The following DPY19L3 variants were observed in gnomAD, a reference collection of about 807,000 sequenced individuals.
DPY19L3 encodes the protein protein C-mannosyl-transferase DPY19L3.
Under a neutral mutation model 92.3 loss-of-function variants are expected in DPY19L3, and 51 were observed. The ratio of observed to expected loss-of-function variants is 0.55; its 90% CI spans 0.44 to 0.70. The LOEUF (loss-of-function observed/expected upper bound fraction) is 0.70. Ranked by LOEUF, DPY19L3 falls within the 30% of genes least tolerant of loss-of-function variation. The probability of loss-of-function intolerance (pLI) is 0.00; values close to 1 mark genes in which losing one functional copy is unlikely to be tolerated. For missense variants in DPY19L3, 706 were observed against 855.9 expected, an observed-to-expected ratio of 0.82 and a Z score of 2.18; for synonymous variants, 309 against 315.2, an observed-to-expected ratio of 0.98 and a Z score of 0.21.
rs147378007 is a variant in DPY19L3 at position 32,408,250 on chromosome 19, C to A, written c.-4C>A. 28 of 1,608,154 alleles carry A rather than the reference C, an allele frequency of 1.7e-5. 1 individual carries two copies. In the East Asian group the frequency reaches 4.9e-4, roughly 28 times the overall value. ...TGGAGAACAATGCATGTAAGTCTGA[C>A]ATCATGATGTCCATCCGGCAAAGAA... On this transcript the variant is annotated 5_prime_UTR_variant, in exon 2 of 19. Coordinates refer to ENST00000392250, the MANE Select transcript of DPY19L3 (RefSeq NM_001172774.2).
At chr19:32,447,101 A>G (rs1969524927) in intron 8 of DPY19L3, among the ~76,000 whole-genome samples, 1 of 152,236 alleles carries the variant, frequency 6.6e-6, no homozygotes, top group African/African-American at 2.4e-5. Flanking sequence ...TATTACATCT[A>G]TAGTAGTAAT....
chr19:32,431,234 C>T (rs1042270374), intron 3 of DPY19L3, among the ~76,000 whole-genome samples: 1 of 152,042 alleles, frequency 6.6e-6, no homozygotes, highest in African/African-American at 2.4e-5. Flanking sequence ...ACCAAATTAG[C>T]CGGGCATGGT....
chr19:32,419,261 C>T (rs1376948126), intron 3 of DPY19L3, among the ~76,000 whole-genome samples: 1 of 150,156 alleles, frequency 6.7e-6, no homozygotes, highest in Non-Finnish European at 1.5e-5. Context: ...CCCGGGTTCG[C>T]GCCATTCTCC....
chr19:32,450,382 G>C (rs1969660731), intron 8 of DPY19L3, among the ~76,000 whole-genome samples: 1 of 152,088 alleles, frequency 6.6e-6, no homozygotes, highest in Non-Finnish European at 1.5e-5. Flanking sequence ...CCCACTCCTA[G>C]ATACATACCC....
chr19:32,413,865 A>C (rs887267499), intron 3 of DPY19L3, among the ~76,000 whole-genome samples: 1 of 152,058 alleles, frequency 6.6e-6, no homozygotes, highest in African/African-American at 2.4e-5. Context: ...AGCTGGGACC[A>C]CAGGTGCACG....
chr19:32,453,223 G>A lies in DPY19L3; in HGVS notation c.934G>A (p.Gly312Arg). 1.2e-6 allele frequency: 2 copies of A among 1,613,898 alleles called. No individual in the cohort carries two copies. The highest frequency in any genetic ancestry group is 4.5e-5 in the East Asian group (2 of 44,866). The change falls in exon 9 of 19, where the codon GGA becomes AGA. Residue 312 changes from glycine to arginine, a missense_variant. Physicochemically the swap from Gly to Arg is moderately radical, Grantham distance 125 (BLOSUM62 -2). Transcript: ENST00000392250. Reference sequence around the variant, plus strand: ...TCAGTTTTTTAATTCCATGATTCTTGGATCACTGCTTATCAGTTTTAACCT... The same window carrying A: ...TCAGTTTTTTAATTCCATGATTCTTAGATCACTGCTTATCAGTTTTAACCT... ...ILQFFNSMIL[G>R]SLLISFNLSV...
intron 7 of DPY19L3, 51 bp from the exon 8 acceptor site, chr19:32,439,725 G>GT (rs756605491): frequency 4.4e-6 from 7 of 1,583,594 alleles, no homozygotes; most frequent in East Asian, 2.2e-5. Context: ...TGTCTGCAAG[G>GT]TTTTTTATTA....
chr19:32,450,160 G>A (rs1969652633), intron 8 of DPY19L3, among the ~76,000 whole-genome samples: 2 of 152,148 alleles, frequency 1.3e-5, no homozygotes, highest in African/African-American at 4.8e-5. Context: ...AGCTATCAGA[G>A]AAATGCAAAT....
At chr19:32,438,896 C>T (rs1174290356) in intron 6 of DPY19L3, 2 of 540,682 alleles carry the variant, frequency 3.7e-6, no homozygotes. Context: ...AGGGCATACC[C>T]ATGGACAGAG....
chr19:32,428,460 G>C (rs1250616040), intron 3 of DPY19L3, among the ~76,000 whole-genome samples: 1 of 152,138 alleles, frequency 6.6e-6, no homozygotes, highest in African/African-American at 2.4e-5. Context: ...GGGTGAGTAG[G>C]AATAGGCAGC....
chr19:32,449,562 C>T (rs1969630105), intron 8 of DPY19L3, among the ~76,000 whole-genome samples: 1 of 152,056 alleles, frequency 6.6e-6, no homozygotes. Context: ...GTGATACTAG[C>T]AGAAGAATTG....
chr19:32,453,958 C>T (rs771010396), intron 9 of DPY19L3, among the ~76,000 whole-genome samples: 5 of 151,882 alleles, frequency 3.3e-5, no homozygotes, highest in Non-Finnish European at 2.9e-5. Context: ...TAGAAACTTC[C>T]GTGTCAAGAA....
chr19:32,431,431 A>G (rs1164167128), intron 3 of DPY19L3, among the ~76,000 whole-genome samples: 2 of 151,944 alleles, frequency 1.3e-5, no homozygotes. Flanking sequence ...AGATTTTAGG[A>G]CATGGTTTGT....
chr19:32,480,925 T>C (rs371616547), intron 18 of DPY19L3: 2 of 421,086 alleles, frequency 4.7e-6, no homozygotes, highest in African/African-American at 4.1e-5. Flanking sequence ...ATTGGCTAGC[T>C]GCTGCATGGC....
chr19:32,444,049 GAAA>G (rs1599633219), intron 8 of DPY19L3, among the ~76,000 whole-genome samples: 1 of 138,876 alleles, frequency 7.2e-6, no homozygotes, highest in South Asian at 2.3e-4. Context: ...AAAAAAAAAA[GAAA>G]AAAAAATTCT....
At position 32,463,566 on chromosome 19, in the gene DPY19L3, A is replaced by AGT. The variant is rs1970107608; in HGVS notation, c.1445+78_1445+79insGT. ...ACTTAGCAATATAATTTGGAAAGTG[A>AGT]CAATCATCTTCATTAATGATCATGG... On this transcript the variant is annotated intron_variant, in intron 13 of 18. Coordinates refer to ENST00000392250, the MANE Select transcript of DPY19L3 (RefSeq NM_001172774.2). 1.6e-5 allele frequency: 23 copies of AGT among 1,478,910 alleles called. No individual in the cohort carries two copies. In the East Asian group the frequency reaches 5.0e-4, roughly 32 times the overall value. The allele number at this position is 1,478,910 out of a possible 1,614,324, so 91.6% of individuals were successfully genotyped here.
At chr19:32,412,012 G>A (rs1363461181) in intron 3 of DPY19L3, 1 of 152,116 alleles carries the variant, frequency 6.6e-6, no homozygotes, top group Admixed American at 6.6e-5. Context: ...GTGTCACTGG[G>A]ACCCCAGGCA....
intron 15 of DPY19L3, chr19:32,467,452 C>T (rs1479799273): frequency 2.0e-6 from 2 of 987,306 alleles, no homozygotes; most frequent in African/African-American, 3.5e-5. Flanking sequence ...GTAATTTTTA[C>T]TACATCTCTT....
At chr19:32,448,088 A>G (rs1969576470) in intron 8 of DPY19L3, among the ~76,000 whole-genome samples, 1 of 152,168 alleles carries the variant, frequency 6.6e-6, no homozygotes, top group Admixed American at 6.5e-5. Flanking sequence ...CCGTACTTAT[A>G]TCCCTTAAAT....
Sources: gnomAD v4.1 joint callset for allele counts (sites outside exome capture counted in the v4.1 genomes callset) on GRCh38, gnomAD v4.1.1 for gene constraint, MANE v1.5 for transcripts, NCBI Gene and HGNC (gene_info 2026-07-23, HGNC 2026-07-21) for gene names.